RANBP9: variants seen among roughly 807,000 people sequenced by gnomAD.
The protein encoded by RANBP9 is ran-binding protein 9.
Under a neutral mutation model 84.3 loss-of-function variants are expected in RANBP9, and 15 were observed. That is an observed-to-expected ratio of 0.18 (90% CI 0.12 to 0.27). RANBP9 has a LOEUF of 0.27. RANBP9 is among the 10% of genes least tolerant of loss of function. The probability of loss-of-function intolerance (pLI) is 1.00; values close to 1 mark genes in which losing one functional copy is unlikely to be tolerated. For synonymous variants in RANBP9, 392 were observed against 349.6 expected (o/e 1.12, Z -1.35); for missense variants, 809 against 912.8 (o/e 0.89, Z 1.46).
chr6:13,670,427 G>GT (rs1266886514), intron 2 of RANBP9, among the ~76,000 whole-genome samples: 12 of 152,162 alleles, frequency 7.9e-5, no homozygotes, highest in African/African-American at 2.7e-4. Flanking sequence ...AAACACAGAT[G>GT]TAAGTCTTTC....
chr6:13,666,690 G>C (rs1765657440), intron 2 of RANBP9, among the ~76,000 whole-genome samples: 1 of 150,388 alleles, frequency 6.6e-6, no homozygotes, highest in African/African-American at 2.4e-5. Flanking sequence ...TTGAGCCTGA[G>C]AGGTCGAGGC....
intron 12 of RANBP9, among the ~76,000 whole-genome samples, chr6:13,627,035 T>C (rs1012462560): frequency 3.3e-5 from 5 of 152,232 alleles, no homozygotes; most frequent in African/African-American, 1.2e-4. Flanking sequence ...CATTGTTTTA[T>C]ATTGCTGAGT....
intron 2 of RANBP9, among the ~76,000 whole-genome samples, chr6:13,664,587 A>ATATTC (rs2113295647): frequency 6.6e-6 from 1 of 152,274 alleles, no homozygotes; most frequent in African/African-American, 2.4e-5. Flanking sequence ...ATAGTTCACA[A>ATATTC]TATTCTATTG....
intron 5 of RANBP9, among the ~76,000 whole-genome samples, chr6:13,645,308 T>C (rs1765155860): frequency 6.6e-6 from 1 of 151,640 alleles, no homozygotes; most frequent in Non-Finnish European, 1.5e-5. Context: ...ATTCTCTATA[T>C]TAAAAAAAAA....
At chr6:13,647,344 A>G (rs990208163) in intron 5 of RANBP9, among the ~76,000 whole-genome samples, 6 of 152,188 alleles carry the variant, frequency 3.9e-5, no homozygotes, top group African/African-American at 1.4e-4. Flanking sequence ...AACTCTGACC[A>G]GTCATTGATT....
intron 1 of RANBP9, among the ~76,000 whole-genome samples, chr6:13,701,254 G>C (rs1420967273): frequency 6.6e-6 from 1 of 152,082 alleles, no homozygotes; most frequent in African/African-American, 2.4e-5. Context: ...TCCCACACTG[G>C]ACAGTTGACT....
intron 13 of RANBP9, 80 bp from the exon 14 acceptor site, chr6:13,622,572 A>G (rs1764481407): frequency 3.6e-6 from 5 of 1,402,442 alleles, no homozygotes; most frequent in African/African-American, 1.4e-5. Context: ...GAATACTGCA[A>G]TGACTTTAAA....
At chr6:13,710,730 T>C (rs1204507858) in intron 1 of RANBP9, among the ~76,000 whole-genome samples, 4 of 152,202 alleles carry the variant, frequency 2.6e-5, no homozygotes, top group Middle Eastern at 3.2e-3. Context: ...TCTACTCACC[T>C]TCCTTTTCCA....
intron 2 of RANBP9, among the ~76,000 whole-genome samples, chr6:13,688,876 G>A (rs1435803229): frequency 6.7e-6 from 1 of 150,112 alleles, no homozygotes; most frequent in South Asian, 2.1e-4. Flanking sequence ...AGGCAGTCTG[G>A]GTGCAGTGAC....
intron 12 of RANBP9, among the ~76,000 whole-genome samples, chr6:13,629,911 C>T (rs1317206798): frequency 8.0e-6 from 1 of 124,954 alleles, no homozygotes. Context: ...CTCTCTCTCT[C>T]TCTCTCTCTC....
chr6:13,662,786 C>T (rs1562309662), intron 2 of RANBP9, among the ~76,000 whole-genome samples: 4 of 152,052 alleles, frequency 2.6e-5, no homozygotes. Context: ...GCAGCCCAAA[C>T]AAAAACAAGA....
chr6:13,672,981 T>C (rs1282428817), intron 2 of RANBP9, among the ~76,000 whole-genome samples: 1 of 151,970 alleles, frequency 6.6e-6, no homozygotes, highest in Non-Finnish European at 1.5e-5. Context: ...GAAAATGAAG[T>C]ATTTGAAGTA....
At position 13,711,547 on chromosome 6, in the gene RANBP9, T is replaced by A; in HGVS notation, c.-42A>T. 8.1e-7 allele frequency: 1 copy of A among 1,235,974 alleles called. No individual in the cohort carries two copies. Among genetic ancestry groups the A allele is most frequent in the South Asian group, 3.3e-5 (1 of 30,336 alleles). The allele number at this position is 1,235,974 out of a possible 1,614,324, so 76.6% of individuals were successfully genotyped here. On this transcript the variant is annotated 5_prime_UTR_variant, in exon 1 of 14. Coordinates refer to ENST00000011619, the MANE Select transcript of RANBP9 (RefSeq NM_005493.3). The stretch of plus-strand genomic sequence containing the variant: ...CCTGCGGCCACCTCCACCTCTTCTC[T>A]CCTTCCTCCTCTGCTTCCCGGGGGC...
chr6:13,654,702 G>T (rs1205920751), intron 4 of RANBP9, among the ~76,000 whole-genome samples: 2 of 152,172 alleles, frequency 1.3e-5, no homozygotes, highest in African/African-American at 4.8e-5. Flanking sequence ...TAACAGGAAA[G>T]CAACCATAAA....
chr6:13,647,900 A>G (rs1464129243), intron 5 of RANBP9, among the ~76,000 whole-genome samples: 2 of 152,162 alleles, frequency 1.3e-5, no homozygotes, highest in African/African-American at 2.4e-5. Context: ...GCTATATTAC[A>G]GATTTTAAAA....
intron 1 of RANBP9, among the ~76,000 whole-genome samples, chr6:13,701,266 C>G (rs138119113): frequency 2.4e-3 from 358 of 152,302 alleles, no homozygotes; most frequent in African/African-American, 7.9e-3. Flanking sequence ...CAGTTGACTT[C>G]CAATGAATAA....
At chr6:13,627,567 C>T (rs150131794) in intron 12 of RANBP9, among the ~76,000 whole-genome samples, 3,013 of 144,552 alleles carry the variant, frequency 0.021, 77 homozygotes, top group African/African-American at 0.071. Flanking sequence ...TAGGCGGAGG[C>T]TGCAGTGAGC....
At position 13,625,722 on chromosome 6, in the gene RANBP9, G is replaced by A; in HGVS notation, c.1990C>T (p.Pro664Ser). Residue 664 changes from proline to serine, a missense_variant, in exon 13 of 14, where the codon CCA becomes TCA. Physicochemically the swap from Pro to Ser is moderately conservative, Grantham distance 74. Transcript: ENST00000011619. ...ATCGGGTCAAGCTGATTTCCAACTG[G>A]GCTGTTCCAGGGATCTGAATATGCT... ...LLAYSDPWNS[P>S]VGNQLDPIQR... The A allele has an allele frequency of 6.2e-7, 1 of 1,612,906 alleles. No homozygotes were observed. Among genetic ancestry groups the A allele is most frequent in the Non-Finnish European group, 8.5e-7 (1 of 1,179,028 alleles).
intron 10 of RANBP9, among the ~76,000 whole-genome samples, chr6:13,635,570 G>C (rs1181406828): frequency 6.6e-6 from 1 of 151,598 alleles, no homozygotes; most frequent in Non-Finnish European, 1.5e-5. Context: ...TAACACCTTG[G>C]GGGTGTGTGT....
Sources: allele counts gnomAD v4.1 joint callset (sites outside exome capture counted in the v4.1 genomes callset), GRCh38; gene constraint gnomAD v4.1.1; transcripts MANE v1.5; gene names NCBI Gene and HGNC (gene_info 2026-07-23, HGNC 2026-07-21).